INPP5J: variants seen among roughly 807,000 people sequenced by gnomAD.
The protein encoded by INPP5J is phosphatidylinositol 4,5-bisphosphate 5-phosphatase A.
In INPP5J, 75 loss-of-function variants were observed where a neutral mutation model predicts 86.6. That is an observed-to-expected ratio of 0.87 (90% CI 0.72 to 1.05). The LOEUF (loss-of-function observed/expected upper bound fraction) is 1.05, where lower values mean the gene tolerates loss of function less well. Ranked by LOEUF, INPP5J falls within the 50% of genes least tolerant of loss-of-function variation. The pLI, the probability that INPP5J is intolerant of heterozygous loss-of-function variation, is 0.00. For synonymous variants in INPP5J, 540 were observed against 550.0 expected, an observed-to-expected ratio of 0.98 and a Z score of 0.25; for missense variants, 1,229 against 1,341.2, an observed-to-expected ratio of 0.92 and a Z score of 1.31.
Position 31,126,457 on chromosome 22 carries a change from C to A in INPP5J, c.1353C>A (p.Asp451Glu), listed in dbSNP as rs773142651. ...CCCTCCTCCACCTGGGCGGTGGTGA[C>A]GACAGCGACGGCGCAGACATGATCG... ...VTSLLHLGGG[D>E]DSDGADMIAI... Residue 451 changes from aspartate to glutamate, a missense_variant, in exon 3 of 13, where the codon GAC becomes GAA. Transcript: ENST00000331075. 6.2e-7 allele frequency: 1 copy of A among 1,613,740 alleles called. No homozygotes were observed. The highest frequency in any genetic ancestry group is 2.2e-5 in the East Asian group (1 of 44,876).
In INPP5J at chr22:31,134,048, C is replaced by G; in HGVS notation, c.2650C>G (p.His884Asp). 2.5e-6 allele frequency: 4 copies of G among 1,594,524 alleles called. No individual in the cohort carries two copies. The highest frequency in any genetic ancestry group is 3.4e-6 in the Non-Finnish European group (4 of 1,171,862). ...CCCCAGTCCTGGCAAGTCCAAGCGA[C>G]ACCGCAGCCGCAGCCCGGGACTGGC... ...RSPSPGKSKRHRSRSPGLARF... is the reference protein window; with the variant it reads ...RSPSPGKSKRDRSRSPGLARF... Residue 884 changes from histidine (H) to aspartate (D), a missense_variant, in exon 13 of 13, where the codon CAC becomes GAC. Physicochemically the swap from His to Asp is moderately conservative, Grantham distance 81 (BLOSUM62 -1). Coordinates refer to ENST00000331075, the MANE Select transcript of INPP5J (RefSeq NM_001284285.2).
chr22:31,124,199 G>A (rs1921129970), intron 1 of INPP5J: 2 of 947,366 alleles, frequency 2.1e-6, no homozygotes. Flanking sequence ...ACAGAGCTGG[G>A]CTTTGAATCT....
In INPP5J at chr22:31,127,956, T is replaced by C; in HGVS notation, c.1793T>C (p.Val598Ala). 7.1e-7 allele frequency: 1 copy of C among 1,407,508 alleles called. No homozygotes were observed. The highest frequency in any genetic ancestry group is 9.5e-7 in the Non-Finnish European group (1 of 1,049,858). The allele number at this position is 1,407,508 out of a possible 1,614,324, so 87.2% of individuals were successfully genotyped here. A position where few individuals can be genotyped will look rare whatever the true frequency, so the allele number is the denominator to read the frequency against. ...GAQGILDHDLVFWFGDLNFRI... is the reference protein window; with the variant it reads ...GAQGILDHDLAFWFGDLNFRI... Reference sequence around the variant, plus strand: ...CCATCCCCCACCCCAAACAGCCTCGTGTTCTGGTTCGGGGACCTGAACTTC... The same window carrying C: ...CCATCCCCCACCCCAAACAGCCTCGCGTTCTGGTTCGGGGACCTGAACTTC... The change falls in exon 7 of 13, where the codon GTG becomes GCG. Residue 598 changes from valine (V) to alanine (A), a missense_variant. By Grantham distance (64) the Val-to-Ala change is moderately conservative. Transcript: ENST00000331075.
At position 31,133,691 on chromosome 22, in the gene INPP5J, A is replaced by G; in HGVS notation, c.2491A>G (p.Ile831Val). Residue 831 changes from isoleucine (I) to valine (V), a missense_variant, in exon 12 of 13, where the codon ATC becomes GTC. Ile to Val is a conservative substitution (Grantham distance 29). Transcript: ENST00000331075. ...CTATAGTCACAACCACAGCATCCTC[A>G]TCGGCATCACTGAACCCTTCCAGGT... ...GYYSHNHSIL[I>V]GITEPFQISL... 6.3e-7 allele frequency: 1 copy of G among 1,597,202 alleles called. No individual in the cohort carries two copies. Among genetic ancestry groups the G allele is most frequent in the Non-Finnish European group, 8.6e-7 (1 of 1,165,058 alleles).
chr22:31,127,102 C>T, intron 5 of INPP5J, 65 bp downstream of exon 5: 3 of 1,146,346 alleles, frequency 2.6e-6, no homozygotes, highest in East Asian at 2.6e-5. Flanking sequence ...AGTCCCCCCG[C>T]CCCATGCACA....
In INPP5J at chr22:31,125,494, A is replaced by C; in HGVS notation, c.755A>C (p.His252Pro). ...APRPLPASEGHLQPPAQTSGP... is the reference protein window; with the variant it reads ...APRPLPASEGPLQPPAQTSGP... Reference sequence around the variant, plus strand: ...AGACCTCTCCCTGCTTCTGAGGGGCATCTCCAGCCTCCAGCTCAGACATCT... The same window carrying C: ...AGACCTCTCCCTGCTTCTGAGGGGCCTCTCCAGCCTCCAGCTCAGACATCT... The change falls in exon 2 of 13, where the codon CAT (histidine) becomes CCT (proline). Residue 252 changes from histidine (H) to proline (P), a missense_variant. Physicochemically the swap from His to Pro is moderately conservative, Grantham distance 77. Coordinates refer to ENST00000331075, the MANE Select transcript of INPP5J (RefSeq NM_001284285.2). 6.5e-7 allele frequency: 1 copy of C among 1,550,102 alleles called. No homozygotes were observed. The highest frequency in any genetic ancestry group is 1.4e-5 in the African/African-American group (1 of 72,980).
chr22:31,126,997 T>A lies in INPP5J; in HGVS notation c.1571T>A (p.Val524Glu). 6.2e-7 allele frequency: 1 copy of A among 1,608,948 alleles called. No individual in the cohort carries two copies. ...KYYHLPFLRD[V>E]QTDCTRTGLG... ...TACCACCTGCCCTTCCTGCGAGACG[T>A]GCAGACCGACTGCACGCGCACTGGC... Residue 524 changes from valine to glutamate, a missense_variant, in exon 5 of 13, where the codon GTG becomes GAG. Transcript: ENST00000331075.
At chr22:31,127,649 C>T (rs938841674) in intron 6 of INPP5J, 117 bp downstream of exon 6, 21 of 1,031,846 alleles carry the variant, frequency 2.0e-5, no homozygotes, top group Non-Finnish European at 2.9e-5. Flanking sequence ...AGTGCCCACC[C>T]AAACTAGTTG....
At chr22:31,127,191 C>A (rs1054736165) in intron 5 of INPP5J, 154 bp downstream of exon 5, 2 of 771,604 alleles carry the variant, frequency 2.6e-6, no homozygotes, top group Non-Finnish European at 4.2e-6. Context: ...CCATCCTATT[C>A]CTCTATACCC....
In INPP5J at chr22:31,125,044, G is replaced by A. The variant is rs757702288; in HGVS notation, c.305G>A (p.Arg102His). Residue 102 changes from arginine (R) to histidine (H), a missense_variant, in exon 2 of 13, where the codon CGC (arginine) becomes CAC (histidine). By Grantham distance (29) the Arg-to-His change is conservative. Coordinates refer to ENST00000331075, the MANE Select transcript of INPP5J (RefSeq NM_001284285.2). ...GGGCAGAAAACAGCTACTGCCCACC[G>A]CAGCTCCAGCCTGGCCCCAACATCT... Reference protein sequence around the residue: ...PEGQKTATAHRSSSLAPTSVG... With the variant: ...PEGQKTATAHHSSSLAPTSVG... 83 of 1,550,664 alleles carry A rather than the reference G, an allele frequency of 5.4e-5. No homozygotes were observed. The Middle Eastern group carries it at 2.2e-3, about 40-fold the overall frequency.
intron 1 of INPP5J, among the ~76,000 whole-genome samples, chr22:31,123,454 A>G (rs1039527994): frequency 1.3e-5 from 2 of 152,264 alleles, no homozygotes; most frequent in Admixed American, 6.5e-5. Flanking sequence ...TTGTCGCTGA[A>G]GACTAAAACT....
In INPP5J at chr22:31,125,826, C is replaced by T. The variant is rs193003278; in HGVS notation, c.1087C>T (p.Pro363Ser). Residue 363 changes from proline (P) to serine (S), a missense_variant, in exon 2 of 13, where the codon CCC becomes TCC. Pro to Ser is a moderately conservative substitution (Grantham distance 74). Transcript: ENST00000331075. Reference sequence around the variant, plus strand: ...CTCCCCGAATCGCTCTCCCTGTGTTCCCCCAGCCCCTGACATGGCCCTCCC... The same window carrying T: ...CTCCCCGAATCGCTCTCCCTGTGTTTCCCCAGCCCCTGACATGGCCCTCCC... ...SHSPNRSPCVPPAPDMALPRL... is the reference protein window; with the variant it reads ...SHSPNRSPCVSPAPDMALPRL... The T allele has an allele frequency of 6.9e-6, 11 of 1,605,328 alleles. No individual in the cohort carries two copies. Among genetic ancestry groups the T allele is most frequent in the East Asian group, 2.3e-5 (1 of 44,416 alleles).
At position 31,128,562 on chromosome 22, in the gene INPP5J, C is replaced by A; in HGVS notation, c.2101C>A (p.His701Asn). 6.2e-7 allele frequency: 1 copy of A among 1,613,382 alleles called. No homozygotes were observed. The highest frequency in any genetic ancestry group is 8.5e-7 in the Non-Finnish European group (1 of 1,179,824). The change falls in exon 9 of 13, where the codon CAC becomes AAC. Residue 701 changes from histidine (H) to asparagine (N), a missense_variant. Coordinates refer to ENST00000331075, the MANE Select transcript of INPP5J (RefSeq NM_001284285.2). ...TCCCAGCCCCTCAGGACGGAAGAGC[C>A]ACCGACTCCAGGTGACGCAGCACAG... Reference protein sequence around the residue: ...GGPSPSGRKSHRLQVTQHSYR... With the variant: ...GGPSPSGRKSNRLQVTQHSYR...
rs1244074895 is a variant in INPP5J, at chr22:31,125,622, C to G, written c.883C>G (p.Pro295Ala). 6.4e-7 allele frequency: 1 copy of G among 1,550,576 alleles called. No homozygotes were observed. The highest frequency in any genetic ancestry group is 1.2e-5 in the South Asian group (1 of 84,058). The change falls in exon 2 of 13, where the codon CCT (proline) becomes GCT (alanine). Residue 295 changes from proline to alanine, a missense_variant. By Grantham distance (27) the Pro-to-Ala change is conservative. Coordinates refer to ENST00000331075, the MANE Select transcript of INPP5J (RefSeq NM_001284285.2). ...PEALHSSPED[P>A]VLPRPPQTLP... Reference sequence around the variant, plus strand: ...GGCCCTCCACAGCAGCCCTGAGGATCCTGTTTTGCCACGGCCACCCCAGAC... The same window carrying G: ...GGCCCTCCACAGCAGCCCTGAGGATGCTGTTTTGCCACGGCCACCCCAGAC...
chr22:31,129,233 T>C (rs1174014540), intron 9 of INPP5J, among the ~76,000 whole-genome samples: 1 of 20,078 alleles, frequency 5.0e-5, no homozygotes, highest in Non-Finnish European at 1.4e-4. Flanking sequence ...TCTGGCCAAC[T>C]TTTTTTTTTT....
At chr22:31,122,963 G>A (rs144907279), upstream of INPP5J, 4 of 1,213,052 alleles carry the variant, frequency 3.3e-6, no homozygotes, top group African/African-American at 1.6e-5. Context: ...TCCCGGGAGC[G>A]GTAGAGCTGG....
chr22:31,127,095 C>G (rs1003804956), intron 5 of INPP5J, 58 bp downstream of exon 5: 3 of 1,191,966 alleles, frequency 2.5e-6, no homozygotes, highest in African/African-American at 1.5e-5. Context: ...TTAGATTAGT[C>G]CCCCCGCCCC....
chr22:31,130,296 G>C (rs1175184117), intron 9 of INPP5J, among the ~76,000 whole-genome samples: 2 of 152,140 alleles, frequency 1.3e-5, no homozygotes, highest in Non-Finnish European at 2.9e-5. Flanking sequence ...AGCCAGTATC[G>C]TGCCACTGCA....
rs895695747 is a variant in INPP5J at position 31,123,092 on chromosome 22, T to C, written c.78T>C (p.Gly26=). ...AGLGSLPMPQ[G]VAQTGAPSKV... is the part of the protein sequence containing the mutation. ...TGGGTTCCCTGCCCATGCCCCAGGG[T>C]GTTGCCCAAACTGGGGCACCCTCCA... The change falls in exon 1 of 13, where the codon GGT becomes GGC. Residue 26 remains glycine, a synonymous_variant. Transcript: ENST00000331075. 2 of 1,483,766 alleles carry C rather than the reference T, an allele frequency of 1.3e-6. No homozygotes were observed. Among genetic ancestry groups the C allele is most frequent in the Non-Finnish European group, 1.8e-6 (2 of 1,121,048 alleles). 91.9% of individuals were successfully genotyped at this position (1,483,766 alleles called of 1,614,324 possible).
Sources: allele counts gnomAD v4.1 joint callset (sites outside exome capture counted in the v4.1 genomes callset), GRCh38; gene constraint gnomAD v4.1.1; transcripts MANE v1.5; gene names NCBI Gene and HGNC (gene_info 2026-07-23, HGNC 2026-07-21).